WSCD2: variants seen among roughly 807,000 people sequenced by gnomAD.
The protein encoded by WSCD2 is sialate:O-sulfotransferase 2.
In WSCD2, 28 loss-of-function variants were observed where a neutral mutation model predicts 55.7. The ratio of observed to expected loss-of-function variants is 0.50; its 90% CI spans 0.37 to 0.69. WSCD2 has a LOEUF of 0.69. WSCD2 is among the 30% of genes least tolerant of loss of function. WSCD2 has a pLI of 0.00. For synonymous variants in WSCD2, 301 were observed against 301.9 expected, an observed-to-expected ratio of 1.00 and a Z score of 0.03; for missense variants, 616 against 762.1, an observed-to-expected ratio of 0.81 and a Z score of 2.26.
intron 6 of WSCD2, among the ~76,000 whole-genome samples, chr12:108,230,451 C>G (rs11113779): frequency 0.15 from 22,102 of 152,170 alleles, 1,700 homozygotes; most frequent in Non-Finnish European, 0.16. Flanking sequence ...CAATCTAACA[C>G]TGCATTCATT....
chr12:108,248,111 T>A lies in WSCD2; in HGVS notation c.1466T>A (p.Val489Asp), dbSNP rs751757460. 1.9e-6 allele frequency: 3 copies of A among 1,614,212 alleles called. No homozygotes were observed. The highest frequency in any genetic ancestry group is 2.2e-5 in the East Asian group (1 of 44,872). ...HFEDLKQDLF[V>D]QLGRMVSLLG... The stretch of plus-strand genomic sequence containing the variant: ...GAGGACCTGAAGCAGGACCTCTTTG[T>A]CCAGCTGGGCCGGATGGTCAGCCTG... Residue 489 changes from valine to aspartate, a missense_variant, in exon 9 of 9, where the codon GTC (valine) becomes GAC (aspartate). Val to Asp is a radical substitution (Grantham distance 152). This residue lies in a region of WSCD2 where 234 missense variants were observed against 264.6 expected (regional missense o/e 0.88). Coordinates refer to ENST00000547525, the MANE Select transcript of WSCD2 (RefSeq NM_014653.4). This position sits in a 1 kb window ranked among gnomAD's most constrained non-coding sequence, Gnocchi z 4.3.
intron 1 of WSCD2, among the ~76,000 whole-genome samples, chr12:108,185,501 T>C (rs1469291819): frequency 6.6e-6 from 1 of 152,160 alleles, no homozygotes; most frequent in East Asian, 1.9e-4. Context: ...GGAACCACCC[T>C]ACCACACACA....
intron 8 of WSCD2, among the ~76,000 whole-genome samples, chr12:108,245,940 A>G (rs1002571393): frequency 3.3e-5 from 5 of 152,230 alleles, no homozygotes; most frequent in Admixed American, 2.0e-4. Context: ...GTCTTGCCAC[A>G]GATTCTGATG....
chr12:108,226,804 G>C (rs1280669970), intron 5 of WSCD2, among the ~76,000 whole-genome samples, 186 bp from the exon 6 acceptor site: 1 of 152,234 alleles, frequency 6.6e-6, no homozygotes, highest in Non-Finnish European at 1.5e-5. Flanking sequence ...CAATAGTACA[G>C]TAGGTGCACA....
At position 108,129,427 on chromosome 12, in the gene WSCD2, G is replaced by C. The variant is rs1180598078; in HGVS notation, c.-1051G>C. 6.6e-6 allele frequency: 1 copy of C among 150,960 alleles called. No homozygotes were observed. The highest frequency in any genetic ancestry group is 2.4e-5 in the African/African-American group (1 of 41,420). The allele number at this position is 150,960 out of a possible 1,614,324, so 9.4% of individuals were successfully genotyped here. A position where few individuals can be genotyped will look rare whatever the true frequency, so the allele number is the denominator to read the frequency against. ...AGCCAGGCGGCCGGAGCTCCGCGCC[G>C]AGCCGCAGCCGGTGCCCTGCGCGCA... is the stretch of plus-strand genomic sequence containing the variant. On this transcript the variant is annotated 5_prime_UTR_variant, in exon 1 of 9. Transcript: ENST00000547525.
intron 1 of WSCD2, among the ~76,000 whole-genome samples, chr12:108,154,128 G>A (rs1878296421): frequency 6.6e-6 from 1 of 152,220 alleles, no homozygotes; most frequent in African/African-American, 2.4e-5. Flanking sequence ...GGTAGATGGT[G>A]TCCTGGAGTT....
intron 1 of WSCD2, among the ~76,000 whole-genome samples, chr12:108,186,895 G>T (rs1432197920): frequency 6.6e-6 from 1 of 152,104 alleles, no homozygotes; most frequent in Non-Finnish European, 1.5e-5. Context: ...GGAAGGCTTG[G>T]TCCTACGAGA....
At chr12:108,232,502 A>C (rs1424016480) in intron 6 of WSCD2, among the ~76,000 whole-genome samples, 2 of 151,984 alleles carry the variant, frequency 1.3e-5, no homozygotes. Flanking sequence ...CCTTTCCATC[A>C]TTATCCCATT....
At chr12:108,147,572 A>C (rs1299953316) in intron 1 of WSCD2, among the ~76,000 whole-genome samples, 1 of 152,114 alleles carries the variant, frequency 6.6e-6, no homozygotes, top group Non-Finnish European at 1.5e-5. Context: ...TCTTCTAGAC[A>C]CTCAGGTCAG....
intron 1 of WSCD2, among the ~76,000 whole-genome samples, chr12:108,171,119 G>A (rs73199527): frequency 0.05 from 7,678 of 152,280 alleles, 256 homozygotes; most frequent in Non-Finnish European, 0.079. Context: ...CTTACCTCCC[G>A]CCCAGGAAGG....
intron 1 of WSCD2, among the ~76,000 whole-genome samples, chr12:108,171,003 G>A (rs961504813): frequency 6.6e-6 from 1 of 152,184 alleles, no homozygotes; most frequent in African/African-American, 2.4e-5. Flanking sequence ...CTCAGCCAGG[G>A]TAAGGTATTG....
intron 3 of WSCD2, among the ~76,000 whole-genome samples, chr12:108,208,977 T>C (rs1374647297): frequency 1.3e-5 from 2 of 152,226 alleles, no homozygotes; most frequent in Admixed American, 6.5e-5. Context: ...CTAAAGATAT[T>C]ATATTCTAGA....
intron 8 of WSCD2, among the ~76,000 whole-genome samples, chr12:108,242,824 C>G (rs560097348): frequency 6.6e-6 from 1 of 152,306 alleles, no homozygotes; most frequent in Non-Finnish European, 1.5e-5. Context: ...GCTGGGAGCT[C>G]TAAACCAATA....
intron 1 of WSCD2, among the ~76,000 whole-genome samples, chr12:108,144,630 G>A (rs1000264165): frequency 2.0e-5 from 3 of 152,066 alleles, no homozygotes; most frequent in Admixed American, 6.5e-5. Context: ...GGAGACCCTT[G>A]GAGCTCCTGC....
At chr12:108,204,087 C>T (rs890421852) in intron 2 of WSCD2, among the ~76,000 whole-genome samples, 3 of 152,148 alleles carry the variant, frequency 2.0e-5, no homozygotes, top group African/African-American at 7.2e-5. Context: ...TGATCAGTTG[C>T]CTCATCTCTA....
intron 7 of WSCD2, among the ~76,000 whole-genome samples, chr12:108,233,650 A>AT (rs60481040): frequency 0.15 from 22,286 of 151,258 alleles, 1,741 homozygotes; most frequent in Middle Eastern, 0.17. Flanking sequence ...AAGTCACACA[A>AT]TTTTTTTTTT....
intron 8 of WSCD2, 29 bp downstream of exon 8, chr12:108,240,573 G>A (rs1417989840): frequency 1.9e-6 from 3 of 1,561,264 alleles, no homozygotes; most frequent in South Asian, 1.1e-5. Flanking sequence ...GGGGAGGGGA[G>A]GGGAGGGGCT....
Position 108,248,070 on chromosome 12 carries a change from G to A in WSCD2, c.1425G>A (p.Val475=). 1 of 1,614,220 alleles carries A rather than the reference G, an allele frequency of 6.2e-7. No homozygotes were observed. Among genetic ancestry groups the A allele is most frequent in the South Asian group, 1.1e-5 (1 of 91,078 alleles). The change falls in exon 9 of 9, where the codon GTG becomes GTA. Residue 475 remains valine, a synonymous_variant. Transcript: ENST00000547525. This position sits in a 1 kb window ranked among gnomAD's most constrained non-coding sequence, Gnocchi z 4.3. ...ACTGGCTCAAGTTTGGCAAGAAGGT[G>A]CTGGTGGTGCACTTTGAGGACCTGA... ...TLDWLKFGKK[V]LVVHFEDLKQ...
intron 4 of WSCD2, among the ~76,000 whole-genome samples, chr12:108,224,136 G>A: frequency 6.6e-6 from 1 of 152,318 alleles, no homozygotes; most frequent in Non-Finnish European, 1.5e-5. Context: ...GTAGCTGCAC[G>A]ATTTCTGGGT....
Sources: allele counts gnomAD v4.1 joint callset (sites outside exome capture counted in the v4.1 genomes callset), GRCh38; gene constraint gnomAD v4.1.1; regional missense constraint gnomAD v4.1.1; non-coding constraint Gnocchi (gnomAD v3.1); transcripts MANE v1.5; gene names NCBI Gene and HGNC (gene_info 2026-07-23, HGNC 2026-07-21).